The following MDGA2 variants were observed in gnomAD, a reference collection of about 807,000 sequenced individuals.
MDGA2 encodes the protein MAM domain-containing glycosylphosphatidylinositol anchor protein 2.
MDGA2 carries 40 observed loss-of-function variants against 117.8 expected under a neutral mutation model. That is an observed-to-expected ratio of 0.34 (90% confidence interval 0.26 to 0.44). The LOEUF (loss-of-function observed/expected upper bound fraction) is 0.44. MDGA2 is among the 20% of genes least tolerant of loss of function. The pLI, the probability that MDGA2 is intolerant of heterozygous loss-of-function variation, is 1.00. For synonymous variants in MDGA2, 452 were observed against 439.0 expected, an observed-to-expected ratio of 1.03 and a Z score of -0.37; for missense variants, 1,123 against 1,250.6, an observed-to-expected ratio of 0.90 and a Z score of 1.54.
intron 3 of MDGA2, among the ~76,000 whole-genome samples, chr14:47,191,872 A>C (rs1392595975): frequency 1.6e-5 from 2 of 125,242 alleles, no homozygotes; most frequent in Non-Finnish European, 3.4e-5. Context: ...GCACATAGGG[A>C]GGGAATACCA....
intron 1 of MDGA2, among the ~76,000 whole-genome samples, chr14:47,359,093 C>T (rs932093913): frequency 7.2e-5 from 11 of 152,200 alleles, no homozygotes; most frequent in South Asian, 2.1e-4. Context: ...CGGTGGCTCA[C>T]GCCTGTAATC....
intron 1 of MDGA2, among the ~76,000 whole-genome samples, chr14:47,509,468 C>G (rs1026114148): frequency 5.3e-5 from 8 of 152,116 alleles, no homozygotes; most frequent in Admixed American, 5.2e-4. Context: ...CTGTGCCCAG[C>G]AGAGCACTGG....
intron 3 of MDGA2, among the ~76,000 whole-genome samples, chr14:47,191,407 C>T (rs1157065498): frequency 1.5e-5 from 2 of 130,902 alleles, no homozygotes; most frequent in African/African-American, 6.2e-5. Context: ...AAATATATCT[C>T]ATATATATTT....
At chr14:47,361,542 G>T (rs540599871) in intron 1 of MDGA2, among the ~76,000 whole-genome samples, 20 of 151,850 alleles carry the variant, frequency 1.3e-4, no homozygotes, top group African/African-American at 3.4e-4. Flanking sequence ...ATTTCTGGTT[G>T]TTTTTTTTAA....
At chr14:47,222,727 G>A (rs1886346183) in intron 2 of MDGA2, among the ~76,000 whole-genome samples, 1 of 152,120 alleles carries the variant, frequency 6.6e-6, no homozygotes, top group Non-Finnish European at 1.5e-5. Flanking sequence ...AAAATTAGAG[G>A]TAGGACAGGC....
intron 1 of MDGA2, among the ~76,000 whole-genome samples, chr14:47,439,818 A>AGTGT (rs3039634): frequency 0.38 from 56,867 of 150,076 alleles, 10,749 homozygotes; most frequent in South Asian, 0.54. Context: ...TCACTAAGGG[A>AGTGT]GTGTGTGTGT....
chr14:47,639,791 T>C (rs954857691), intron 1 of MDGA2, among the ~76,000 whole-genome samples: 1 of 152,162 alleles, frequency 6.6e-6, no homozygotes, highest in Non-Finnish European at 1.5e-5. Context: ...TAACACTGTA[T>C]AAGACTCCAC....
At chr14:47,579,992 T>C (rs973047515) in intron 1 of MDGA2, among the ~76,000 whole-genome samples, 1 of 152,110 alleles carries the variant, frequency 6.6e-6, no homozygotes, top group African/African-American at 2.4e-5. Flanking sequence ...GAGGAATTAT[T>C]ATTCTTATAT....
intron 3 of MDGA2, among the ~76,000 whole-genome samples, chr14:47,145,754 T>C (rs1303355268): frequency 1.3e-5 from 2 of 152,090 alleles, no homozygotes; most frequent in Non-Finnish European, 2.9e-5. Context: ...TAGTATTAAG[T>C]TGGTGCAAAA....
chr14:47,014,137 A>G (rs1179386458), intron 8 of MDGA2, among the ~76,000 whole-genome samples: 1 of 151,950 alleles, frequency 6.6e-6, no homozygotes, highest in East Asian at 1.9e-4. Flanking sequence ...GACCAGGTGC[A>G]TTGTCAGTGA....
chr14:47,339,768 C>A (rs1169251575), intron 1 of MDGA2, among the ~76,000 whole-genome samples: 1 of 152,112 alleles, frequency 6.6e-6, no homozygotes, highest in Non-Finnish European at 1.5e-5. Context: ...TTCTGAATTA[C>A]AGAGCCTCGG....
intron 2 of MDGA2, among the ~76,000 whole-genome samples, chr14:47,231,336 G>A (rs1381952069): frequency 6.6e-6 from 1 of 151,994 alleles, no homozygotes; most frequent in Non-Finnish European, 1.5e-5. Flanking sequence ...GGAATCTGAT[G>A]CATCAGAAAG....
chr14:47,629,296 AT>A (rs1366139036), intron 1 of MDGA2, among the ~76,000 whole-genome samples: 1 of 152,200 alleles, frequency 6.6e-6, no homozygotes, highest in East Asian at 1.9e-4. Context: ...AGCAATTCTG[AT>A]TCATTTGAGC....
At chr14:46,915,774 A>G (rs2138496642) in intron 10 of MDGA2, among the ~76,000 whole-genome samples, 1 of 152,256 alleles carries the variant, frequency 6.6e-6, no homozygotes, top group East Asian at 1.9e-4. Flanking sequence ...ACTGCGGGGG[A>G]CATGTGGACT....
chr14:47,580,541 T>C (rs1896210930), intron 1 of MDGA2, among the ~76,000 whole-genome samples: 1 of 151,980 alleles, frequency 6.6e-6, no homozygotes, highest in Non-Finnish European at 1.5e-5. Flanking sequence ...CGAGCCACTA[T>C]TTTAAGCTCT....
chr14:46,886,010 TATGCTAATG>T (rs1882659673), intron 10 of MDGA2, among the ~76,000 whole-genome samples: 1 of 152,128 alleles, frequency 6.6e-6, no homozygotes, highest in Non-Finnish European at 1.5e-5. Context: ...AGACGTTTGC[TATGCTAATG>T]ACTCGAAAAG....
chr14:47,409,306 T>G (rs1217603428), intron 1 of MDGA2, among the ~76,000 whole-genome samples: 2 of 152,194 alleles, frequency 1.3e-5, no homozygotes, highest in African/African-American at 4.8e-5. Context: ...GTTTTAAAGA[T>G]GGAGGTGATG....
chr14:47,239,746 G>A (rs912917038), intron 2 of MDGA2, among the ~76,000 whole-genome samples: 2 of 151,802 alleles, frequency 1.3e-5, no homozygotes, highest in African/African-American at 4.8e-5. Context: ...TTATCTGCCT[G>A]AAAAGACACT....
intron 14 of MDGA2, among the ~76,000 whole-genome samples, chr14:46,857,999 T>G (rs2138310520): frequency 6.6e-6 from 1 of 152,032 alleles, no homozygotes; most frequent in South Asian, 2.1e-4. Flanking sequence ...CTTTCCTCTC[T>G]TTTGCACAAT....
Sources: gnomAD v4.1 joint callset for allele counts (sites outside exome capture counted in the v4.1 genomes callset) on GRCh38, gnomAD v4.1.1 for gene constraint, MANE v1.5 for transcripts, NCBI Gene and HGNC (gene_info 2026-07-23, HGNC 2026-07-21) for gene names.